Variants in ABHD2 observed in about 807,000 individuals in gnomAD.
ABHD2 encodes monoacylglycerol lipase ABHD2.
A neutral mutation model predicts 48.1 loss-of-function variants in ABHD2; 20 were observed. The ratio of observed to expected loss-of-function variants is 0.42; its 90% CI spans 0.29 to 0.60. The LOEUF is 0.60. ABHD2 is among the 20% of genes least tolerant of loss of function. The pLI is 0.24. For synonymous variants in ABHD2, 209 were observed against 214.2 expected (o/e 0.98, Z 0.21); for missense variants, 405 against 550.9 (o/e 0.74, Z 2.65).
chr15:89,125,448 C>T (rs57120667), intron 3 of ABHD2, among the ~76,000 whole-genome samples: 2 of 152,096 alleles, frequency 1.3e-5, no homozygotes, highest in Non-Finnish European at 2.9e-5. Flanking sequence ...TTGATTGAGG[C>T]TAAATATTAA....
At chr15:89,159,363 C>T (rs986479425) in intron 5 of ABHD2, among the ~76,000 whole-genome samples, 19 of 151,896 alleles carry the variant, frequency 1.3e-4, no homozygotes, top group Non-Finnish European at 1.9e-4. Context: ...GGCAACAGAG[C>T]GAGACTCCAT....
intron 3 of ABHD2, among the ~76,000 whole-genome samples, chr15:89,149,067 G>T (rs1000461903): frequency 3.9e-5 from 6 of 152,042 alleles, no homozygotes. Flanking sequence ...GTAAACCCTG[G>T]TGTTGTATTA....
rs7171974 is a variant in ABHD2, at chr15:89,155,307, A to G, written c.371-60A>G. On this transcript the variant is annotated intron_variant, in intron 4 of 10. Transcript: ENST00000352732. This position sits in a 1 kb window ranked among gnomAD's most constrained non-coding sequence, Gnocchi z 4.9. ...TTTTCTAGACCAGTGAAGTGTAATT[A>G]TGTCCATTTATCATGTCACATTTCT... 18,166 of 1,539,944 alleles carry G rather than the reference A, an allele frequency of 0.012. 1,843 individuals are homozygous for G. In the African/African-American group the frequency reaches 0.22, roughly 18 times the overall value.
the ABHD2 span, among the ~76,000 whole-genome samples, chr15:89,050,655 G>A: frequency 6.6e-6 from 1 of 152,178 alleles, no homozygotes; most frequent in Non-Finnish European, 1.5e-5. Flanking sequence ...CATCTGCTGG[G>A]ATGGGAGGTG....
chr15:89,160,420 A>G (rs1596131114), intron 5 of ABHD2, among the ~76,000 whole-genome samples: 1 of 151,564 alleles, frequency 6.6e-6, no homozygotes, highest in South Asian at 2.1e-4. Flanking sequence ...TTGCCTTGCA[A>G]TATGGCCTGA....
intron 1 of ABHD2, among the ~76,000 whole-genome samples, chr15:89,101,083 C>T (rs1276738171): frequency 6.6e-6 from 1 of 152,164 alleles, no homozygotes; most frequent in East Asian, 1.9e-4. Flanking sequence ...TGTCAACAAT[C>T]AATGGGTAGA....
intron 5 of ABHD2, among the ~76,000 whole-genome samples, chr15:89,163,704 T>C (rs573380932): frequency 6.6e-6 from 1 of 152,296 alleles, no homozygotes; most frequent in South Asian, 2.1e-4. Context: ...AAAGACATTT[T>C]CCCCACTTTG....
At chr15:89,103,396 G>T (rs992154036) in intron 1 of ABHD2, among the ~76,000 whole-genome samples, 1 of 151,876 alleles carries the variant, frequency 6.6e-6, no homozygotes, top group Non-Finnish European at 1.5e-5. Context: ...TCAGTTACAC[G>T]TAAAGTAACC....
chr15:89,071,028 C>T, the ABHD2 span, among the ~76,000 whole-genome samples: 2 of 152,056 alleles, frequency 1.3e-5, no homozygotes, highest in Non-Finnish European at 2.9e-5. Flanking sequence ...ACTCATTGCT[C>T]CTCTCCATGG....
Position 89,185,899 on chromosome 15 carries a change from G to A in ABHD2, c.815+383G>A, listed in dbSNP as rs959211228. On this transcript the variant is annotated intron_variant, in intron 7 of 10. Coordinates refer to ENST00000352732, the MANE Select transcript of ABHD2 (RefSeq NM_152924.5). The surrounding 1 kb of genome is among the most constrained non-coding windows in gnomAD (Gnocchi z 5.9). ...GGAGAGTCGCTTGAACCCAGGAGGC[G>A]GAGGCTGCAGCGAGCCAAGATTGCG... Among the ~76,000 whole-genome samples, 4 of 152,128 alleles carry A rather than the reference G, an allele frequency of 2.6e-5. No homozygotes were observed. The highest frequency in any genetic ancestry group is 7.2e-5 in the African/African-American group (3 of 41,432).
chr15:89,041,967 C>T, the ABHD2 span, among the ~76,000 whole-genome samples: 1 of 152,126 alleles, frequency 6.6e-6, no homozygotes, highest in Non-Finnish European at 1.5e-5. Flanking sequence ...CAGAGGTCAC[C>T]CGGGTGTTTG....
At chr15:89,079,344 T>C in the ABHD2 span, among the ~76,000 whole-genome samples, 1 of 152,226 alleles carries the variant, frequency 6.6e-6, no homozygotes, top group Non-Finnish European at 1.5e-5. The surrounding 1 kb of genome is among the most constrained non-coding windows in gnomAD (Gnocchi z 4.3). Flanking sequence ...GAAAAACCCT[T>C]TTTGGAAAAA....
the ABHD2 span, among the ~76,000 whole-genome samples, chr15:89,052,309 T>C: frequency 6.6e-6 from 1 of 152,164 alleles, no homozygotes; most frequent in African/African-American, 2.4e-5. Context: ...TTGCATTTAA[T>C]GGCAAAACTA....
chr15:89,069,797 A>C, the ABHD2 span, among the ~76,000 whole-genome samples: 1 of 144,082 alleles, frequency 6.9e-6, no homozygotes, highest in Non-Finnish European at 1.5e-5. Flanking sequence ...CTCCTGCCTC[A>C]GCCTCCCAAG....
At chr15:89,122,069 A>G (rs1015186769) in intron 3 of ABHD2, among the ~76,000 whole-genome samples, 3 of 152,284 alleles carry the variant, frequency 2.0e-5, no homozygotes, top group South Asian at 4.1e-4. Flanking sequence ...GCCTTAAGCC[A>G]TCCTTCCACC....
At chr15:89,065,087 A>G in the ABHD2 span, among the ~76,000 whole-genome samples, 1 of 152,152 alleles carries the variant, frequency 6.6e-6, no homozygotes, top group African/African-American at 2.4e-5. Context: ...AAAAGAAAAA[A>G]CATGGGTGCT....
the ABHD2 span, among the ~76,000 whole-genome samples, chr15:89,055,212 T>TA: frequency 6.6e-6 from 1 of 152,162 alleles, no homozygotes; most frequent in African/African-American, 2.4e-5. Flanking sequence ...ACTTTTTTTT[T>TA]AAATCTCCTA....
chr15:89,063,534 G>GCA, the ABHD2 span, among the ~76,000 whole-genome samples: 2 of 150,598 alleles, frequency 1.3e-5, no homozygotes, highest in Admixed American at 6.6e-5. Context: ...TCTCACACAT[G>GCA]CACACACACA....
rs1020009308 is a variant in ABHD2, at chr15:89,126,366, G to C, written c.194+9845G>C. 1.2e-4 allele frequency among the ~76,000 whole-genome samples: 19 copies of C among 152,188 alleles called. 1 individual carries two copies. Among genetic ancestry groups the C allele is most frequent in the Admixed American group, 8.5e-4 (13 of 15,280 alleles). ...GCTTTACAGGACTTACATGGAATCAGATCTACTTTTATACTCCTTCTCAAT... is the reference window on the plus strand; with the variant it reads ...GCTTTACAGGACTTACATGGAATCACATCTACTTTTATACTCCTTCTCAAT... On this transcript the variant is annotated intron_variant, in intron 3 of 10. Coordinates refer to ENST00000352732, the MANE Select transcript of ABHD2 (RefSeq NM_152924.5).
Sources: gnomAD v4.1 joint callset for allele counts (sites outside exome capture counted in the v4.1 genomes callset) on GRCh38, gnomAD v4.1.1 for gene constraint, Gnocchi (gnomAD v3.1) non-coding constraint, MANE v1.5 for transcripts, NCBI Gene and HGNC (gene_info 2026-07-23, HGNC 2026-07-21) for gene names.